NUDC: variants seen among roughly 807,000 people sequenced by gnomAD.
NUDC encodes the protein nuclear distribution C, dynein complex regulator.
NUDC carries 14 observed loss-of-function variants against 45.0 expected under a neutral mutation model. That is an observed-to-expected ratio of 0.31 (90% CI 0.21 to 0.49). The LOEUF is 0.49. NUDC is among the 20% of genes least tolerant of loss of function. The probability of loss-of-function intolerance (pLI) is 0.99; values close to 1 mark genes in which losing one functional copy is unlikely to be tolerated. For missense variants in NUDC, 323 were observed against 426.2 expected, an observed-to-expected ratio of 0.76 and a Z score of 2.13; for synonymous variants, 153 against 156.7, an observed-to-expected ratio of 0.98 and a Z score of 0.17.
At chr1:26,926,187 T>C (rs781740134) in intron 2 of NUDC, among the ~76,000 whole-genome samples, 21 of 152,328 alleles carry the variant, frequency 1.4e-4, no homozygotes, top group Admixed American at 3.3e-4. Flanking sequence ...GGCGCCATTA[T>C]CTTTATAATA....
upstream of NUDC, among the ~76,000 whole-genome samples, chr1:26,919,147 G>C (rs1205922294): frequency 6.6e-6 from 1 of 151,204 alleles, no homozygotes; most frequent in Non-Finnish European, 1.5e-5. Flanking sequence ...GCAGTGGCGT[G>C]ATCACAGCTC....
chr1:26,930,585 C>A lies in NUDC; in HGVS notation c.159+6419C>A, dbSNP rs185782117. On this transcript the variant is annotated intron_variant, in intron 2 of 8. Coordinates refer to ENST00000321265, the MANE Select transcript of NUDC (RefSeq NM_006600.4). Reference sequence around the variant, plus strand: ...CATAGCCAAGAGTGGTGGCACAAGCCTGTAGTCCCAGCTACTCTGCAGACC... The same window carrying A: ...CATAGCCAAGAGTGGTGGCACAAGCATGTAGTCCCAGCTACTCTGCAGACC... 2.1e-3 allele frequency among the ~76,000 whole-genome samples: 316 copies of A among 152,174 alleles called. 3 individuals carry two copies. The highest frequency in any genetic ancestry group is 3.4e-3 in the Middle Eastern group (1 of 294).
intron 1 of NUDC, 49 bp downstream of exon 1, chr1:26,921,978 C>T (rs1261530665): frequency 2.6e-6 from 4 of 1,526,856 alleles, no homozygotes; most frequent in South Asian, 1.2e-5. Flanking sequence ...GGCCACGCTC[C>T]TTCCGCCCTT....
intron 2 of NUDC, among the ~76,000 whole-genome samples, chr1:26,926,637 T>C (rs1362680278): frequency 6.6e-6 from 1 of 152,134 alleles, no homozygotes; most frequent in African/African-American, 2.4e-5. Flanking sequence ...TTCATGCTTG[T>C]TGCCCAGTCT....
rs76740139 is a variant in NUDC at position 26,911,549 on chromosome 1, A to G, written c.93+314A>G. 2,188 of 442,050 alleles carry G rather than the reference A, an allele frequency of 4.9e-3. 38 individuals carry two copies. The highest frequency in any genetic ancestry group is 0.038 in the African/African-American group (1,917 of 50,066). The allele number at this position is 442,050 out of a possible 1,614,324, so 27.4% of individuals were successfully genotyped here. On this transcript the variant is annotated intron_variant, in intron 3 of 6. Transcript: ENST00000435827. ...TAATTCAGTTCTGTATAAAGTCGATAGGACTTCTGGTCCAATAAGCAGCCT... is the reference window on the plus strand; with the variant it reads ...TAATTCAGTTCTGTATAAAGTCGATGGGACTTCTGGTCCAATAAGCAGCCT...
Position 26,933,151 on chromosome 1 carries a change from G to A in NUDC, c.160-8306G>A, listed in dbSNP as rs527909411. Among the ~76,000 whole-genome samples the A allele has an allele frequency of 2.4e-3, 363 of 151,736 alleles. 1 individual carries two copies. Among genetic ancestry groups the A allele is most frequent in the South Asian group, 6.5e-3 (31 of 4,786 alleles). On this transcript the variant is annotated intron_variant, in intron 2 of 8. Transcript: ENST00000321265. ...GGGTTTTACCATATTGGTCAGGCTGGTCTTGAACTCCTGACTTCGTGATCT... is the reference window on the plus strand; with the variant it reads ...GGGTTTTACCATATTGGTCAGGCTGATCTTGAACTCCTGACTTCGTGATCT...
At chr1:26,933,943 A>G (rs2082204989) in intron 2 of NUDC, among the ~76,000 whole-genome samples, 1 of 152,118 alleles carries the variant, frequency 6.6e-6, no homozygotes, top group Admixed American at 6.6e-5. Context: ...TCACGAGGTC[A>G]GGAGATCAAG....
At chr1:26,929,620 G>C (rs1171466220) in intron 2 of NUDC, 2 of 271,892 alleles carry the variant, frequency 7.4e-6, no homozygotes, top group Non-Finnish European at 1.6e-5. Context: ...ACAAATCTTC[G>C]TGGGTACGGT....
At chr1:26,924,545 G>A (rs1474052507) in intron 2 of NUDC, among the ~76,000 whole-genome samples, 1 of 152,126 alleles carries the variant, frequency 6.6e-6, no homozygotes, top group African/African-American at 2.4e-5. Flanking sequence ...TTCCAATGAG[G>A]AGGTTTTATT....
At chr1:26,924,527 A>C (rs750153284) in intron 2 of NUDC, among the ~76,000 whole-genome samples, 5 of 152,194 alleles carry the variant, frequency 3.3e-5, no homozygotes, top group Non-Finnish European at 7.3e-5. Context: ...AGTGCCTCTC[A>C]GTTCCTTTTC....
At chr1:26,921,157 A>G (rs2124088474), upstream of NUDC, among the ~76,000 whole-genome samples, 1 of 152,334 alleles carries the variant, frequency 6.6e-6, no homozygotes, top group South Asian at 2.1e-4. Context: ...AGCACCTGTC[A>G]TAATTTCCTG....
chr1:26,930,402 C>A (rs2124110527), intron 2 of NUDC, among the ~76,000 whole-genome samples: 1 of 152,318 alleles, frequency 6.6e-6, no homozygotes, highest in East Asian at 1.9e-4. Context: ...ATTTCTGATT[C>A]TGATCTCAAG....
chr1:26,930,179 T>C (rs1374151357), intron 2 of NUDC, among the ~76,000 whole-genome samples: 3 of 152,216 alleles, frequency 2.0e-5, no homozygotes. Context: ...TGTTTTGTTT[T>C]GTTTTGAGAC....
Position 26,931,288 on chromosome 1 carries a change from G to A in NUDC, c.159+7122G>A, listed in dbSNP as rs148681112. Among the ~76,000 whole-genome samples the A allele has an allele frequency of 2.7e-3, 408 of 150,728 alleles. 4 individuals are homozygous for A. Among genetic ancestry groups the A allele is most frequent in the African/African-American group, 9.3e-3 (383 of 41,170 alleles). On this transcript the variant is annotated intron_variant, in intron 2 of 8. Transcript: ENST00000321265. ...AGATGGGGTTTTACCATGTTGGCCA[G>A]GCTGATCTCGAACTCCTGACCTCAG...
chr1:26,913,850 C>G (rs1442533451), intron 3 of NUDC: 2 of 1,507,424 alleles, frequency 1.3e-6, no homozygotes, highest in African/African-American at 2.8e-5. Context: ...CGGGGGACAG[C>G]CTTGAGGCTG....
At position 26,914,824 on chromosome 1, in the gene NUDC, G is replaced by A. The variant is rs186486816; in HGVS notation, c.93+3589G>A. The stretch of plus-strand genomic sequence containing the variant: ...TCTACTAAAAATACAAAAATTAGCC[G>A]GGCATGGTGGCATGTGCCTGTAGTC... On this transcript the variant is annotated intron_variant, in intron 3 of 6. Transcript: ENST00000435827. Among the ~76,000 whole-genome samples the A allele has an allele frequency of 1.1e-4, 17 of 151,842 alleles. 1 individual carries two copies. Among genetic ancestry groups the A allele is most frequent in the East Asian group, 3.9e-4 (2 of 5,166 alleles).
chr1:26,921,548 G>A (rs2082090605), upstream of NUDC, among the ~76,000 whole-genome samples: 1 of 152,230 alleles, frequency 6.6e-6, no homozygotes, highest in Non-Finnish European at 1.5e-5. Context: ...AGCAACTCAT[G>A]CCAAACTCTC....
At chr1:26,908,011 T>G (rs950680148) in intron 2 of NUDC, among the ~76,000 whole-genome samples, 2 of 152,110 alleles carry the variant, frequency 1.3e-5, no homozygotes, top group African/African-American at 4.8e-5. Context: ...AAACTCTGTC[T>G]CTACTAAAAA....
intron 2 of NUDC, among the ~76,000 whole-genome samples, chr1:26,908,134 G>A (rs1230826856): frequency 2.6e-5 from 4 of 151,902 alleles, no homozygotes; most frequent in East Asian, 1.9e-4. Flanking sequence ...AGCCGAGATC[G>A]CGCCACTGCA....
Sources: gnomAD v4.1 joint callset for allele counts (sites outside exome capture counted in the v4.1 genomes callset) on GRCh38, gnomAD v4.1.1 for gene constraint, MANE v1.5 for transcripts, NCBI Gene and HGNC (gene_info 2026-07-23, HGNC 2026-07-21) for gene names.